Variants in NUCB2 observed in about 807,000 individuals in gnomAD.
The protein encoded by NUCB2 is nucleobindin-2.
NUCB2 carries 48 observed loss-of-function variants against 57.9 expected under a neutral mutation model. The observed-to-expected ratio is 0.83, with a 90% CI of 0.66 to 1.05. The LOEUF (loss-of-function observed/expected upper bound fraction) is 1.05. NUCB2 is among the 50% of genes least tolerant of loss of function. The pLI, the probability that NUCB2 is intolerant of heterozygous loss-of-function variation, is 0.00. For missense variants in NUCB2, 442 were observed against 476.2 expected (o/e 0.93, Z 0.67); for synonymous variants, 139 against 152.1 (o/e 0.91, Z 0.64).
At chr11:17,324,780 CTATTTATTTATTTATT>C (rs147466695) in intron 11 of NUCB2, among the ~76,000 whole-genome samples, 15 of 147,166 alleles carry the variant, frequency 1.0e-4, no homozygotes, top group Admixed American at 3.4e-4. Context: ...GTCTATTTGT[CTATTTATTTATTTATT>C]TATTTATTTA....
At chr11:17,309,415 G>A (rs567864656) in intron 5 of NUCB2, among the ~76,000 whole-genome samples, 157 bp from the exon 6 acceptor site, 11 of 152,050 alleles carry the variant, frequency 7.2e-5, no homozygotes, top group East Asian at 1.9e-4. Context: ...AATAACATAC[G>A]CAGTATTCAT....
intron 2 of NUCB2, among the ~76,000 whole-genome samples, chr11:17,344,495 A>G (rs777865875): frequency 1.5e-4 from 23 of 152,102 alleles, no homozygotes; most frequent in Non-Finnish European, 4.4e-5. Context: ...CCACTATTGT[A>G]TTTCTAATGC....
chr11:17,304,233 C>A (rs868306839), intron 5 of NUCB2, among the ~76,000 whole-genome samples: 1 of 151,324 alleles, frequency 6.6e-6, no homozygotes, highest in Middle Eastern at 3.4e-3. Context: ...CACTGAGTCA[C>A]CCATGCTAGA....
At chr11:17,341,886 G>T (rs1952299525) in intron 2 of NUCB2, among the ~76,000 whole-genome samples, 1 of 152,186 alleles carries the variant, frequency 6.6e-6, no homozygotes, top group African/African-American at 2.4e-5. Context: ...GTTTCAGAAG[G>T]AATGGTACCA....
chr11:17,292,011 G>A (rs1266903209), intron 2 of NUCB2, among the ~76,000 whole-genome samples: 2 of 152,036 alleles, frequency 1.3e-5, no homozygotes, highest in Non-Finnish European at 2.9e-5. Context: ...GTGAATACAA[G>A]CAGCTTTTCT....
chr11:17,348,319 G>GGTTTTTTTTTTTTTTTTTTT lies in NUCB2; in HGVS notation n.2627-1026_2627-1025insGTTTTTTTTTTTTTTTTTTT, dbSNP rs1952917777. 9.5e-5 allele frequency among the ~76,000 whole-genome samples: 8 copies of GGTTTTTTTTTTTTTTTTTTT among 84,470 alleles called. 3 individuals are homozygous for GGTTTTTTTTTTTTTTTTTTT. The highest frequency in any genetic ancestry group is 4.0e-4 in the African/African-American group (8 of 20,068). 55.4% of individuals were successfully genotyped at this position (84,470 alleles called of 152,430 possible). On this transcript the variant is annotated intron_variant and non_coding_transcript_variant, in intron 2 of 2. Coordinates refer to the NUCB2 transcript ENST00000532240. ...TGAGGTGTTTTTTGTTTGTTTTTGT[G>GGTTTTTTTTTTTTTTTTTTT]TTTTTTTTTTTTTTTTTTTTTTTTT...
chr11:17,282,765 A>T lies in NUCB2; in HGVS notation c.-155-24A>T, dbSNP rs973056595. 1.3e-5 allele frequency: 2 copies of T among 151,878 alleles called. No homozygotes were observed. The highest frequency in any genetic ancestry group is 2.9e-5 in the Non-Finnish European group (2 of 67,990). The allele number at this position is 151,878 out of a possible 1,614,324, so 9.4% of individuals were successfully genotyped here. ...GTGATTTTGTGTCTTTTATTTATTT[A>T]TTTTTATTTTTTTTTACATTTAGAA... is the stretch of plus-strand genomic sequence containing the variant. On this transcript the variant is annotated intron_variant, in intron 1 of 13. Transcript: ENST00000529010.
intron 4 of NUCB2, among the ~76,000 whole-genome samples, chr11:17,300,728 A>T (rs1946566108): frequency 6.6e-6 from 1 of 151,992 alleles, no homozygotes; most frequent in Admixed American, 6.6e-5. Flanking sequence ...GCAGCTATGG[A>T]TATTATGTTT....
chr11:17,288,003 A>G (rs1944086118), intron 2 of NUCB2, among the ~76,000 whole-genome samples: 1 of 152,192 alleles, frequency 6.6e-6, no homozygotes, highest in South Asian at 2.1e-4. Flanking sequence ...GTCTCAAAAA[A>G]CAAAAAACAA....
chr11:17,317,595 C>G (rs1164511820), intron 11 of NUCB2: 3 of 439,692 alleles, frequency 6.8e-6, no homozygotes, highest in Admixed American at 4.9e-5. Flanking sequence ...CTCCTTCCAT[C>G]TGAAACAATC....
chr11:17,319,367 C>G (rs1949712491), intron 11 of NUCB2, among the ~76,000 whole-genome samples: 1 of 152,114 alleles, frequency 6.6e-6, no homozygotes, highest in Non-Finnish European at 1.5e-5. Context: ...GACTTCCTTA[C>G]TTTTAGTATA....
intron 4 of NUCB2, among the ~76,000 whole-genome samples, chr11:17,298,404 C>G: frequency 6.6e-6 from 1 of 151,500 alleles, no homozygotes; most frequent in Non-Finnish European, 1.5e-5. Context: ...CTATCTCTAC[C>G]AAAAATAGAA....
chr11:17,282,748 G>C (rs377120469), intron 1 of NUCB2, 41 bp from the exon 2 acceptor site: 39 of 152,070 alleles, frequency 2.6e-4, no homozygotes, highest in African/African-American at 8.4e-4. Context: ...TTGTGATTTT[G>C]TGTCTTTTAT....
At chr11:17,303,630 A>G (rs1329233115) in intron 5 of NUCB2, among the ~76,000 whole-genome samples, 2 of 152,204 alleles carry the variant, frequency 1.3e-5, no homozygotes, top group African/African-American at 2.4e-5. Context: ...CACGCCTGTA[A>G]TCCCAGCACT....
chr11:17,346,038 GAA>G, intron 2 of NUCB2, among the ~76,000 whole-genome samples: 1 of 152,028 alleles, frequency 6.6e-6, no homozygotes, highest in East Asian at 1.9e-4. Flanking sequence ...AGTAAAATTA[GAA>G]AAATATGTAA....
At chr11:17,317,968 A>G (rs1249442830) in intron 11 of NUCB2, among the ~76,000 whole-genome samples, 1 of 144,884 alleles carries the variant, frequency 6.9e-6, no homozygotes, top group Non-Finnish European at 1.5e-5. Context: ...CCTGGAAAGA[A>G]GTCAGCTTTT....
chr11:17,286,645 T>C (rs1943794164), intron 2 of NUCB2: 1 of 152,210 alleles, frequency 6.6e-6, no homozygotes. Flanking sequence ...TCCGTATCTC[T>C]CTTATGAAAG....
downstream of NUCB2, chr11:17,332,714 A>G (rs1951510978): frequency 1.3e-5 from 2 of 151,564 alleles, no homozygotes; most frequent in Admixed American, 1.3e-4. Context: ...AGGAAAACTG[A>G]CCTTTTAAAT....
intron 3 of NUCB2, 65 bp from the exon 4 acceptor site, chr11:17,296,039 G>C: frequency 1.2e-6 from 1 of 855,052 alleles, no homozygotes; most frequent in Non-Finnish European, 1.8e-6. Flanking sequence ...TCACAGGATT[G>C]ACCTCTTTAG....
Sources: allele counts gnomAD v4.1 joint callset (sites outside exome capture counted in the v4.1 genomes callset), GRCh38; gene constraint gnomAD v4.1.1; transcripts MANE v1.5; gene names NCBI Gene and HGNC (gene_info 2026-07-23, HGNC 2026-07-21).